The following TIAM1 variants were observed in gnomAD, a reference collection of about 807,000 sequenced individuals.
TIAM1 encodes TIAM Rac1 associated GEF 1.
TIAM1 carries 65 observed loss-of-function variants against 163.5 expected under a neutral mutation model. The observed-to-expected ratio is 0.40, with a 90% confidence interval of 0.33 to 0.49. TIAM1 has a LOEUF of 0.49. Among genes scored for constraint, TIAM1 ranks in the 20% least tolerant of loss-of-function variants. The pLI is 0.77. For missense variants in TIAM1, 1,789 were observed against 2,044.7 expected (o/e 0.87, Z 2.41); for synonymous variants, 833 against 810.1 (o/e 1.03, Z -0.48).
At chr21:31,331,831 G>A (rs1024584924) in intron 2 of TIAM1, among the ~76,000 whole-genome samples, 1 of 152,152 alleles carries the variant, frequency 6.6e-6, no homozygotes. Flanking sequence ...GATTTCAAAC[G>A]ATGGAAATAA....
At chr21:31,280,357 G>C (rs1303380985) in intron 2 of TIAM1, among the ~76,000 whole-genome samples, 2 of 152,308 alleles carry the variant, frequency 1.3e-5, no homozygotes, top group Admixed American at 6.5e-5. Flanking sequence ...CCCTGCACGA[G>C]CTCTCTCTTT....
In TIAM1 at chr21:31,228,237, A is replaced by AGGAG. The variant is rs1569068784; in HGVS notation, c.1585-2288_1585-2287insCTCC. 6.9e-4 allele frequency among the ~76,000 whole-genome samples: 33 copies of AGGAG among 47,668 alleles called. 2 individuals carry two copies. The highest frequency in any genetic ancestry group is 5.4e-3 in the East Asian group (5 of 930). 31.3% of individuals were successfully genotyped at this position (47,668 alleles called of 152,430 possible). A position where few individuals can be genotyped will look rare whatever the true frequency, so the allele number is the denominator to read the frequency against. On this transcript the variant is annotated intron_variant, in intron 6 of 27. Coordinates refer to ENST00000541036, the MANE Select transcript of TIAM1 (RefSeq NM_001353694.2). ...CCTTTTTTTAAAAAAAAAAAAAAAA[A>AGGAG]AAAAAAAAAAAAAAAAAAAAAAGGA...
At chr21:31,310,859 G>A (rs1020404547) in intron 2 of TIAM1, among the ~76,000 whole-genome samples, 3 of 152,200 alleles carry the variant, frequency 2.0e-5, no homozygotes, top group African/African-American at 7.2e-5. Flanking sequence ...GGAAAATCAT[G>A]TAAGGCAGGA....
chr21:31,457,353 T>C (rs555066869), intron 2 of TIAM1, among the ~76,000 whole-genome samples: 4 of 152,320 alleles, frequency 2.6e-5, no homozygotes, highest in Admixed American at 6.5e-5. Context: ...ATTAAAGGCA[T>C]TGAAAAAGAT....
At chr21:31,135,537 A>G (rs2082585776) in intron 23 of TIAM1, among the ~76,000 whole-genome samples, 1 of 152,072 alleles carries the variant, frequency 6.6e-6, no homozygotes, top group African/African-American at 2.4e-5. Context: ...CAAATAAAAG[A>G]TCTAGGACTG....
At chr21:31,124,242 G>A (rs1005841876) in intron 27 of TIAM1, 6 of 337,676 alleles carry the variant, frequency 1.8e-5, no homozygotes, top group East Asian at 1.5e-4. Context: ...TCTGCAACCC[G>A]ACTTGGCAAA....
At chr21:31,461,663 G>T (rs1047969481) in intron 2 of TIAM1, among the ~76,000 whole-genome samples, 5 of 152,000 alleles carry the variant, frequency 3.3e-5, no homozygotes, top group Admixed American at 3.3e-4. Context: ...AAATAATTTT[G>T]ATCCTTTTGT....
intron 2 of TIAM1, among the ~76,000 whole-genome samples, chr21:31,373,428 C>T (rs938899596): frequency 2.6e-5 from 4 of 152,050 alleles, no homozygotes; most frequent in African/African-American, 7.2e-5. Context: ...TGGCAGGAAG[C>T]GAAAGGCACT....
At chr21:31,489,513 G>GGGAA (rs1166005835) in intron 1 of TIAM1, among the ~76,000 whole-genome samples, 3 of 108,370 alleles carry the variant, frequency 2.8e-5, no homozygotes, top group African/African-American at 1.2e-4. Context: ...GAGACAGGGA[G>GGGAA]GGAAGGAAGG....
intron 1 of TIAM1, among the ~76,000 whole-genome samples, chr21:31,556,833 C>A (rs1013124445): frequency 2.6e-5 from 4 of 152,196 alleles, no homozygotes; most frequent in Non-Finnish European, 5.9e-5. Flanking sequence ...GTGTTTACCA[C>A]GCAAAGGCAT....
rs1353229820 is a variant in TIAM1 at position 31,266,718 on chromosome 21, G to A, written c.255C>T (p.Phe85=). ...PFSQDGTLED[F]GSPIWVDRVD... ...CTCGGTCCACCCAGATGGGGCTCCC[G>A]AAGTCTTCTAGGGTACCATCTTGGG... Residue 85 remains phenylalanine, a synonymous_variant, in exon 4 of 28, where the codon TTC becomes TTT. Coordinates refer to ENST00000541036, the MANE Select transcript of TIAM1 (RefSeq NM_001353694.2). 122 of 1,614,176 alleles carry A rather than the reference G, an allele frequency of 7.6e-5. No homozygotes were observed. The highest frequency in any genetic ancestry group is 1.0e-4 in the Non-Finnish European group (118 of 1,180,034).
At position 31,266,413 on chromosome 21, in the gene TIAM1, T is replaced by C. The variant is rs752945272; in HGVS notation, c.560A>G (p.Asp187Gly). ...REDSLEFSLSDLSQEHLTSNE... is the reference protein window; with the variant it reads ...REDSLEFSLSGLSQEHLTSNE... ...GCTTGTTAAATGTTCTTGGCTCAGA[T>C]CAGAGAGTGAGAATTCCAGGCTGTC... The change falls in exon 4 of 28, where the codon GAT becomes GGT. Residue 187 changes from aspartate to glycine, a missense_variant. Coordinates refer to ENST00000541036, the MANE Select transcript of TIAM1 (RefSeq NM_001353694.2). 2 of 1,614,234 alleles carry C rather than the reference T, an allele frequency of 1.2e-6. No homozygotes were observed. Among genetic ancestry groups the C allele is most frequent in the African/African-American group, 2.7e-5 (2 of 75,070 alleles).
chr21:31,505,517 C>G (rs561101695), intron 1 of TIAM1, among the ~76,000 whole-genome samples: 1 of 152,204 alleles, frequency 6.6e-6, no homozygotes, highest in Admixed American at 6.5e-5. Context: ...AAAAAGATGA[C>G]TAAGATAACT....
intron 1 of TIAM1, among the ~76,000 whole-genome samples, chr21:31,494,775 A>G (rs2046584712): frequency 6.6e-6 from 1 of 152,168 alleles, no homozygotes; most frequent in African/African-American, 2.4e-5. Flanking sequence ...CCTCGGAGGC[A>G]GAGATTGCAA....
chr21:31,277,840 T>C (rs1035194832), intron 2 of TIAM1, among the ~76,000 whole-genome samples: 3 of 152,206 alleles, frequency 2.0e-5, no homozygotes, highest in African/African-American at 7.2e-5. Context: ...ACCTCTTTCC[T>C]GTAACAATAT....
At chr21:31,526,566 T>C (rs1431509723) in intron 1 of TIAM1, among the ~76,000 whole-genome samples, 1 of 152,222 alleles carries the variant, frequency 6.6e-6, no homozygotes, top group Non-Finnish European at 1.5e-5. Flanking sequence ...ATGACAATGC[T>C]TTCCCACGAC....
chr21:31,554,772 A>G (rs1049882940), intron 1 of TIAM1, among the ~76,000 whole-genome samples: 6 of 152,154 alleles, frequency 3.9e-5, no homozygotes, highest in African/African-American at 1.4e-4. Context: ...GCTCCGTGGT[A>G]GGATGCAGTC....
At chr21:31,450,209 C>G (rs1226549639) in intron 2 of TIAM1, among the ~76,000 whole-genome samples, 1 of 152,152 alleles carries the variant, frequency 6.6e-6, no homozygotes, top group Non-Finnish European at 1.5e-5. Flanking sequence ...CCTATCATAA[C>G]TGGAATCCTG....
At chr21:31,165,720 T>C (rs150451650) in intron 15 of TIAM1, among the ~76,000 whole-genome samples, 223 of 151,948 alleles carry the variant, frequency 1.5e-3, no homozygotes, top group Non-Finnish European at 1.5e-3. Context: ...TAACTGATTT[T>C]GTTGATTTTA....
Sources: allele counts gnomAD v4.1 joint callset (sites outside exome capture counted in the v4.1 genomes callset), GRCh38; gene constraint gnomAD v4.1.1; transcripts MANE v1.5; gene names NCBI Gene and HGNC (gene_info 2026-07-23, HGNC 2026-07-21).